PRKCA: variants seen among roughly 807,000 people sequenced by gnomAD.
PRKCA encodes protein kinase C alpha type.
In PRKCA, 27 loss-of-function variants were observed where a neutral mutation model predicts 87.0. The observed-to-expected ratio is 0.31, with a 90% CI of 0.23 to 0.43. The LOEUF (loss-of-function observed/expected upper bound fraction) is 0.43. Among genes scored for constraint, PRKCA ranks in the 20% least tolerant of loss-of-function variants. The pLI is 1.00. For missense variants in PRKCA, 518 were observed against 852.3 expected (o/e 0.61, Z 4.88); for synonymous variants, 329 against 311.1 (o/e 1.06, Z -0.61).
chr17:66,734,360 C>T (rs911522604), intron 9 of PRKCA, among the ~76,000 whole-genome samples: 1 of 152,174 alleles, frequency 6.6e-6, no homozygotes. Context: ...TTTTATTATT[C>T]ATGAGTTTTC....
At chr17:66,640,840 G>T in intron 3 of PRKCA, 1 of 401,872 alleles carries the variant, frequency 2.5e-6, no homozygotes, top group Non-Finnish European at 4.9e-6. Flanking sequence ...CCCATAAATA[G>T]AGGAAACATA....
intron 3 of PRKCA, among the ~76,000 whole-genome samples, chr17:66,534,963 T>C (rs1213129917): frequency 1.3e-5 from 2 of 152,198 alleles, no homozygotes; most frequent in African/African-American, 4.8e-5. Flanking sequence ...GTTACAATTA[T>C]TTACTTACAC....
At chr17:66,725,388 G>A (rs1351991624) in intron 8 of PRKCA, among the ~76,000 whole-genome samples, 1 of 152,170 alleles carries the variant, frequency 6.6e-6, no homozygotes, top group African/African-American at 2.4e-5. Flanking sequence ...GAATGAATGA[G>A]AGAGAGAACT....
intron 2 of PRKCA, among the ~76,000 whole-genome samples, chr17:66,378,430 A>G (rs1909596574): frequency 6.6e-6 from 1 of 152,172 alleles, no homozygotes; most frequent in African/African-American, 2.4e-5. Flanking sequence ...GTTTTTTAGT[A>G]TTCACGGAAT....
intron 13 of PRKCA, among the ~76,000 whole-genome samples, chr17:66,766,441 T>C (rs1454222957): frequency 6.6e-6 from 1 of 152,110 alleles, no homozygotes; most frequent in Non-Finnish European, 1.5e-5. Flanking sequence ...TGCTCAGATA[T>C]TTGTAGAATA....
chr17:66,783,976 T>C (rs1423056555), intron 14 of PRKCA, among the ~76,000 whole-genome samples: 2 of 152,222 alleles, frequency 1.3e-5, no homozygotes, highest in African/African-American at 4.8e-5. Context: ...TGCATTTGGT[T>C]TGGTGCTCCG....
chr17:66,635,486 A>G (rs530378303), intron 3 of PRKCA, among the ~76,000 whole-genome samples: 3 of 152,174 alleles, frequency 2.0e-5, no homozygotes, highest in Non-Finnish European at 4.4e-5. Context: ...TGTTTTGAAA[A>G]ACGGGTCAGA....
chr17:66,671,816 A>C lies in PRKCA; in HGVS notation c.530-15295A>C, dbSNP rs148480618. 4.0e-3 allele frequency among the ~76,000 whole-genome samples: 614 copies of C among 152,356 alleles called. 5 individuals are homozygous for C. The highest frequency in any genetic ancestry group is 0.014 in the African/African-American group (574 of 41,584). The stretch of plus-strand genomic sequence containing the variant: ...ACAATTTAAAGTCTAAGCTTGTTGC[A>C]CAAATTAGCAGAAAGTTGAAGAAGA... On this transcript the variant is annotated intron_variant, in intron 5 of 16. Transcript: ENST00000413366.
chr17:66,507,698 G>A (rs1189638573), intron 3 of PRKCA, among the ~76,000 whole-genome samples: 2 of 152,088 alleles, frequency 1.3e-5, no homozygotes, highest in African/African-American at 4.8e-5. Context: ...TTGGGTTTCT[G>A]GAAAGATCCG....
chr17:66,620,074 C>G lies in PRKCA; in HGVS notation c.289-21281C>G, dbSNP rs1422387720. On this transcript the variant is annotated intron_variant, in intron 3 of 16. Coordinates refer to ENST00000413366, the MANE Select transcript of PRKCA (RefSeq NM_002737.3). ...GGTAACATAGACCCATAAGCACATG[C>G]TCCATACAGAATGGGTCATGCAGCT... Among the ~76,000 whole-genome samples, 14 of 152,212 alleles carry G rather than the reference C, an allele frequency of 9.2e-5. No homozygotes were observed. In the East Asian group the frequency reaches 2.5e-3, roughly 27 times the overall value.
At chr17:66,500,777 A>G (rs1033244754) in intron 3 of PRKCA, among the ~76,000 whole-genome samples, 7 of 152,222 alleles carry the variant, frequency 4.6e-5, no homozygotes, top group South Asian at 2.1e-4. Context: ...TTATTTTACC[A>G]TCTTGAGAAT....
In PRKCA at chr17:66,531,522, C is replaced by T. The variant is rs553598537; in HGVS notation, c.288+35239C>T. On this transcript the variant is annotated intron_variant, in intron 3 of 16. Coordinates refer to ENST00000413366, the MANE Select transcript of PRKCA (RefSeq NM_002737.3). The stretch of plus-strand genomic sequence containing the variant: ...GATTATTTTCACCTGTGGATGTAGG[C>T]GATCGCTTCCTTTTGTGGCTGTTGT... Among the ~76,000 whole-genome samples, 6 of 152,280 alleles carry T rather than the reference C, an allele frequency of 3.9e-5. No individual in the cohort carries two copies. In the East Asian group the frequency reaches 1.2e-3, roughly 29 times the overall value.
intron 2 of PRKCA, among the ~76,000 whole-genome samples, chr17:66,467,684 AGT>A (rs1479827439): frequency 6.6e-6 from 1 of 152,102 alleles, no homozygotes; most frequent in Non-Finnish European, 1.5e-5. Context: ...CAACCTCCTG[AGT>A]AGCTGGGACC....
At chr17:66,331,133 C>T (rs1352245834) in intron 2 of PRKCA, among the ~76,000 whole-genome samples, 1 of 152,078 alleles carries the variant, frequency 6.6e-6, no homozygotes, top group East Asian at 1.9e-4. Context: ...TCTCCCTGCT[C>T]CTTGGACTCA....
intron 13 of PRKCA, among the ~76,000 whole-genome samples, chr17:66,752,589 C>CT (rs1328747000): frequency 6.6e-6 from 1 of 152,190 alleles, no homozygotes; most frequent in Non-Finnish European, 1.5e-5. Flanking sequence ...CAGCAAGACT[C>CT]TGTCACCAAA....
intron 2 of PRKCA, among the ~76,000 whole-genome samples, chr17:66,457,934 G>C (rs1195874628): frequency 6.6e-6 from 1 of 152,148 alleles, no homozygotes. Flanking sequence ...TACTCCTGCA[G>C]ACCTCAATCT....
intron 2 of PRKCA, among the ~76,000 whole-genome samples, chr17:66,339,517 A>C (rs1362676474): frequency 6.6e-6 from 1 of 152,136 alleles, no homozygotes; most frequent in Non-Finnish European, 1.5e-5. Context: ...TGACTCCTAC[A>C]GTTTTCCTAG....
intron 3 of PRKCA, among the ~76,000 whole-genome samples, chr17:66,635,587 G>A (rs1007460953): frequency 1.6e-4 from 24 of 152,182 alleles, no homozygotes; most frequent in Admixed American, 1.3e-4. Context: ...ATCCTCCCAC[G>A]ACTCCTTAAC....
intron 3 of PRKCA, among the ~76,000 whole-genome samples, chr17:66,511,683 C>CT (rs11384474): frequency 0.17 from 24,128 of 141,600 alleles, 2,152 homozygotes; most frequent in East Asian, 0.29. Flanking sequence ...ATATAGTGAA[C>CT]TTTTTTTTTT....
Sources: gnomAD v4.1 joint callset for allele counts (sites outside exome capture counted in the v4.1 genomes callset) on GRCh38, gnomAD v4.1.1 for gene constraint, MANE v1.5 for transcripts, NCBI Gene and HGNC (gene_info 2026-07-23, HGNC 2026-07-21) for gene names.